GRID2: variants seen among roughly 807,000 people sequenced by gnomAD.
GRID2 encodes glutamate receptor ionotropic, delta-2.
GRID2 carries 33 observed loss-of-function variants against 114.8 expected under a neutral mutation model. The observed-to-expected ratio is 0.29, with a 90% CI of 0.22 to 0.38. The LOEUF is 0.38. Among genes scored for constraint, GRID2 ranks in the 10% least tolerant of loss-of-function variants. GRID2 has a pLI of 1.00. For missense variants in GRID2, 1,184 were observed against 1,257.7 expected (o/e 0.94, Z 0.89); for synonymous variants, 505 against 449.9 (o/e 1.12, Z -1.55).
intron 1 of GRID2, among the ~76,000 whole-genome samples, chr4:92,562,983 A>G (rs1286967678): frequency 6.6e-6 from 1 of 152,102 alleles, no homozygotes; most frequent in African/African-American, 2.4e-5. Context: ...TTCTATTTAT[A>G]GTTCTAAATT....
intron 4 of GRID2, among the ~76,000 whole-genome samples, chr4:93,172,043 C>G (rs1266487568): frequency 3.3e-5 from 5 of 152,156 alleles, no homozygotes; most frequent in East Asian, 1.9e-4. Flanking sequence ...TATTTAATAA[C>G]AGAAATTTGG....
intron 2 of GRID2, among the ~76,000 whole-genome samples, chr4:93,014,433 G>A (rs530827668): frequency 6.6e-6 from 1 of 152,048 alleles, no homozygotes; most frequent in African/African-American, 2.4e-5. Context: ...CACGTAGTTT[G>A]CTGGGGCTGG....
intron 14 of GRID2, among the ~76,000 whole-genome samples, chr4:93,725,229 C>T (rs1197874277): frequency 2.6e-5 from 4 of 152,122 alleles, no homozygotes; most frequent in East Asian, 1.9e-4. Context: ...TGAGAACATG[C>T]GGTGTTTGGT....
chr4:93,328,068 C>T (rs1286151494), intron 8 of GRID2, among the ~76,000 whole-genome samples: 1 of 151,800 alleles, frequency 6.6e-6, no homozygotes, highest in Non-Finnish European at 1.5e-5. Flanking sequence ...AATCCCAGCA[C>T]TTTCGCGCCA....
intron 14 of GRID2, among the ~76,000 whole-genome samples, chr4:93,673,915 C>A (rs1185099405): frequency 6.6e-6 from 1 of 152,062 alleles, no homozygotes; most frequent in Non-Finnish European, 1.5e-5. Context: ...CTCAGAGCAC[C>A]AACTAGTGAC....
intron 4 of GRID2, among the ~76,000 whole-genome samples, chr4:93,202,280 G>T (rs1157755849): frequency 2.0e-5 from 3 of 151,828 alleles, no homozygotes; most frequent in African/African-American, 7.3e-5. Context: ...TGAAATTTTT[G>T]TTTAAACAGC....
rs1374441834 is a variant in GRID2, at chr4:92,990,682, G to T, written c.245-94313G>T. 4.0e-5 allele frequency among the ~76,000 whole-genome samples: 6 copies of T among 151,686 alleles called. No individual in the cohort carries two copies. In the East Asian group the frequency reaches 1.2e-3, roughly 29 times the overall value. On this transcript the variant is annotated intron_variant, in intron 2 of 15. Transcript: ENST00000282020. ...ATTTACATTGCAAATATTATACCCT[G>T]TATCATGATAATTTGAAATGACTGA...
intron 8 of GRID2, among the ~76,000 whole-genome samples, chr4:93,321,337 T>C (rs1348403369): frequency 1.3e-5 from 2 of 152,062 alleles, no homozygotes; most frequent in African/African-American, 4.8e-5. Flanking sequence ...AAGCCTGATA[T>C]CTACAAATTT....
intron 3 of GRID2, among the ~76,000 whole-genome samples, chr4:93,103,180 C>T (rs1196440438): frequency 2.6e-5 from 4 of 152,074 alleles, no homozygotes; most frequent in African/African-American, 9.7e-5. Context: ...CTTCCACCAG[C>T]GCTAACTTGG....
chr4:92,793,082 T>C (rs908741658), intron 2 of GRID2, among the ~76,000 whole-genome samples: 18 of 151,784 alleles, frequency 1.2e-4, no homozygotes, highest in African/African-American at 3.9e-4. Context: ...GAAATTTGTT[T>C]CTGTGTTCAT....
intron 13 of GRID2, among the ~76,000 whole-genome samples, chr4:93,625,600 T>C (rs1210053030): frequency 6.6e-6 from 1 of 152,122 alleles, no homozygotes; most frequent in Non-Finnish European, 1.5e-5. Flanking sequence ...AGAGTAATAA[T>C]ATAATAAAAA....
intron 9 of GRID2, among the ~76,000 whole-genome samples, chr4:93,402,705 A>G (rs746098089): frequency 6.6e-6 from 1 of 152,094 alleles, no homozygotes; most frequent in East Asian, 1.9e-4. Flanking sequence ...AAAAACACCT[A>G]CCACCGAAAA....
Position 93,183,692 on chromosome 4 carries a change from C to G in GRID2, c.736-23712C>G, listed in dbSNP as rs138659522. Among the ~76,000 whole-genome samples, 635 of 152,230 alleles carry G rather than the reference C, an allele frequency of 4.2e-3. 8 individuals are homozygous for G. Among genetic ancestry groups the G allele is most frequent in the African/African-American group, 0.015 (612 of 41,546 alleles). ...TAAAAGTAAAGAAAAGGAAAAGGGC[C>G]ACACATTTTTCTCATACCATCATGT... is the stretch of plus-strand genomic sequence containing the variant. On this transcript the variant is annotated intron_variant, in intron 4 of 15. Transcript: ENST00000282020.
At chr4:92,746,136 C>T (rs1737139997) in intron 2 of GRID2, among the ~76,000 whole-genome samples, 1 of 152,056 alleles carries the variant, frequency 6.6e-6, no homozygotes, top group Non-Finnish European at 1.5e-5. Context: ...TTTGTGCTGT[C>T]TCTGTATATC....
chr4:93,689,536 C>T lies in GRID2; in HGVS notation c.2360+63101C>T, dbSNP rs184459987. The stretch of plus-strand genomic sequence containing the variant: ...TTCCTTGAACTGGAGAAATGAGTGA[C>T]TCTGCCCATCAATGAACTGACCTTG... On this transcript the variant is annotated intron_variant, in intron 14 of 15. Coordinates refer to ENST00000282020, the MANE Select transcript of GRID2 (RefSeq NM_001510.4). Among the ~76,000 whole-genome samples the T allele has an allele frequency of 5.3e-5, 8 of 151,984 alleles. No homozygotes were observed. The East Asian group carries it at 1.4e-3, about 26-fold the overall frequency.
At chr4:93,560,222 TA>T (rs70942974) in intron 13 of GRID2, among the ~76,000 whole-genome samples, 592 of 42,930 alleles carry the variant, frequency 0.014, 3 homozygotes, top group African/African-American at 0.037. Flanking sequence ...GAACTTAAAG[TA>T]AAAAAAAAAA....
chr4:93,320,947 C>T (rs924710284), intron 8 of GRID2, among the ~76,000 whole-genome samples: 2 of 151,904 alleles, frequency 1.3e-5, no homozygotes, highest in East Asian at 3.9e-4. Flanking sequence ...TTAGAATGTT[C>T]TCTTGATATC....
chr4:93,280,346 C>T (rs544004198), intron 8 of GRID2, among the ~76,000 whole-genome samples: 8 of 151,910 alleles, frequency 5.3e-5, no homozygotes, highest in South Asian at 4.1e-4. Context: ...TATTATTGTA[C>T]AGGCATAAAC....
intron 1 of GRID2, among the ~76,000 whole-genome samples, chr4:92,439,672 G>C (rs574264536): frequency 6.9e-6 from 1 of 145,418 alleles, no homozygotes; most frequent in African/African-American, 2.5e-5. Context: ...GGTTTTGTGC[G>C]AATTGAAAAA....
Sources: allele counts gnomAD v4.1 joint callset (sites outside exome capture counted in the v4.1 genomes callset), GRCh38; gene constraint gnomAD v4.1.1; transcripts MANE v1.5; gene names NCBI Gene and HGNC (gene_info 2026-07-23, HGNC 2026-07-21).